Variants in PLBD1 observed in about 807,000 individuals in gnomAD.
PLBD1 encodes the protein lysosomal leucine aminopeptidase.
A neutral mutation model predicts 63.0 loss-of-function variants in PLBD1; 60 were observed. The observed-to-expected ratio is 0.95, with a 90% CI of 0.77 to 1.18. The LOEUF (loss-of-function observed/expected upper bound fraction) is 1.18, where lower values mean the gene tolerates loss of function less well. Among genes scored for constraint, PLBD1 ranks in the 50% most tolerant of loss-of-function variants. The pLI, the probability that PLBD1 is intolerant of heterozygous loss-of-function variation, is 0.00. For missense variants in PLBD1, 598 were observed against 677.9 expected, an observed-to-expected ratio of 0.88 and a Z score of 1.31; for synonymous variants, 262 against 248.0, an observed-to-expected ratio of 1.06 and a Z score of -0.53.
intron 4 of PLBD1, among the ~76,000 whole-genome samples, chr12:14,540,049 T>C (rs186024637): frequency 0.4 from 28,861 of 72,368 alleles, 5,469 homozygotes; most frequent in Non-Finnish European, 0.46. Context: ...TATATATATA[T>C]ATATACACAC....
Position 14,567,857 on chromosome 12 carries a change from C to G in PLBD1, c.-161G>C, listed in dbSNP as rs1945808617. The G allele has an allele frequency of 2.0e-5, 21 of 1,045,860 alleles. No individual in the cohort carries two copies. In the South Asian group the frequency reaches 4.6e-4, roughly 23 times the overall value. The allele number at this position is 1,045,860 out of a possible 1,614,324, so 64.8% of individuals were successfully genotyped here. On this transcript the variant is annotated 5_prime_UTR_variant, in exon 1 of 11. Coordinates refer to ENST00000240617, the MANE Select transcript of PLBD1 (RefSeq NM_024829.6). Reference sequence around the variant, plus strand: ...TCTTGAGCCCGGCCTGCTCCGGGCTCTGAGGGGCGAGGACGCTTCACGTGG... The same window carrying G: ...TCTTGAGCCCGGCCTGCTCCGGGCTGTGAGGGGCGAGGACGCTTCACGTGG...
Position 14,553,415 on chromosome 12 carries a change from A to G in PLBD1, c.116-3T>C, listed in dbSNP as rs1945676077. 6.2e-7 allele frequency: 1 copy of G among 1,610,420 alleles called. No individual in the cohort carries two copies. Among genetic ancestry groups the G allele is most frequent in the African/African-American group, 1.3e-5 (1 of 74,910 alleles). The stretch of plus-strand genomic sequence containing the variant: ...GTATGCAGTTGCATAGTAGACTCCT[A>G]GAAGAAAAGGGAATAATGACAAAAA... On this transcript the variant is annotated splice_region_variant and splice_polypyrimidine_tract_variant and intron_variant, in intron 1 of 10. Coordinates refer to ENST00000240617, the MANE Select transcript of PLBD1 (RefSeq NM_024829.6).
chr12:14,527,602 T>G (rs182524068), intron 6 of PLBD1, among the ~76,000 whole-genome samples: 1 of 152,010 alleles, frequency 6.6e-6, no homozygotes, highest in Non-Finnish European at 1.5e-5. Flanking sequence ...GATTTCAAAT[T>G]GAAAATTAAA....
intron 5 of PLBD1, 41 bp downstream of exon 5, chr12:14,536,529 G>T: frequency 6.2e-7 from 1 of 1,605,610 alleles, no homozygotes; most frequent in East Asian, 2.2e-5. Context: ...GAAAAAGTCT[G>T]TATGAACCAG....
chr12:14,532,664 G>C (rs1164638321), intron 6 of PLBD1, among the ~76,000 whole-genome samples: 1 of 152,218 alleles, frequency 6.6e-6, no homozygotes, highest in East Asian at 1.9e-4. Context: ...CCATGCGTGG[G>C]CAGGAATGGA....
intron 2 of PLBD1, among the ~76,000 whole-genome samples, chr12:14,549,421 C>T (rs569988546): frequency 2.0e-5 from 3 of 152,276 alleles, no homozygotes; most frequent in African/African-American, 7.2e-5. Flanking sequence ...TCCTCTCAGG[C>T]TCTTGGTACC....
chr12:14,534,549 T>C (rs1389291112), intron 6 of PLBD1, among the ~76,000 whole-genome samples: 73 of 149,594 alleles, frequency 4.9e-4, no homozygotes, highest in African/African-American at 1.6e-3. Flanking sequence ...TTTTCTTTTT[T>C]TTTTTTTTTT....
chr12:14,540,110 T>TTA (rs71038605), intron 4 of PLBD1, among the ~76,000 whole-genome samples: 18 of 91,782 alleles, frequency 2.0e-4, no homozygotes, highest in African/African-American at 7.8e-4. Context: ...TAAATATTAT[T>TTA]TATATATATA....
At chr12:14,527,013 G>A (rs766217227) in intron 6 of PLBD1, among the ~76,000 whole-genome samples, 2 of 151,936 alleles carry the variant, frequency 1.3e-5, no homozygotes, top group Non-Finnish European at 2.9e-5. Context: ...ATACACATAC[G>A]CCTTCAGACT....
At chr12:14,523,180 T>C (rs1221336723) in intron 6 of PLBD1, among the ~76,000 whole-genome samples, 1 of 151,946 alleles carries the variant, frequency 6.6e-6, no homozygotes, top group Admixed American at 6.6e-5. Flanking sequence ...AAAATCAATA[T>C]ACAAAAATCT....
chr12:14,543,038 G>A (rs1229697396), intron 2 of PLBD1, among the ~76,000 whole-genome samples: 1 of 149,854 alleles, frequency 6.7e-6, no homozygotes, highest in Non-Finnish European at 1.5e-5. Flanking sequence ...CTCATATGGT[G>A]TACAGTTAAT....
At chr12:14,537,418 A>G (rs973148122) in intron 4 of PLBD1, among the ~76,000 whole-genome samples, 11 of 152,196 alleles carry the variant, frequency 7.2e-5, no homozygotes, top group African/African-American at 2.7e-4. Flanking sequence ...GCAACTTCAC[A>G]GTTGTGGCAA....
intron 10 of PLBD1, among the ~76,000 whole-genome samples, chr12:14,505,106 C>CT (rs57466061): frequency 0.17 from 23,166 of 140,336 alleles, 3,015 homozygotes; most frequent in African/African-American, 0.37. Flanking sequence ...CTACGTCTAC[C>CT]TTTTTTTTTT....
In PLBD1 at chr12:14,503,896, A is replaced by G; in HGVS notation, c.1538T>C (p.Val513Ala). The G allele has an allele frequency of 1.2e-6, 2 of 1,614,012 alleles. No homozygotes were observed. The highest frequency in any genetic ancestry group is 1.1e-5 in the South Asian group (1 of 91,080). Residue 513 changes from valine (V) to alanine (A), a missense_variant, in exon 11 of 11, where the codon GTA becomes GCA. Coordinates refer to ENST00000240617, the MANE Select transcript of PLBD1 (RefSeq NM_024829.6). Reference protein sequence around the residue: ...YTSYAISGPTVQGGLPVFRWD... With the variant: ...YTSYAISGPTAQGGLPVFRWD... ...GCGAAAAACAGGGAGGCCACCTTGT[A>G]CTGTGGGACCACTTATGGCATAGGA...
At chr12:14,535,593 G>GCAA in intron 6 of PLBD1, 66 bp downstream of exon 6, 1 of 1,540,324 alleles carries the variant, frequency 6.5e-7, no homozygotes, top group South Asian at 1.1e-5. Flanking sequence ...AGTTAACACT[G>GCAA]AATCACTAAG....
intron 3 of PLBD1, 34 bp downstream of exon 3, chr12:14,542,173 TA>T: frequency 6.5e-7 from 1 of 1,531,054 alleles, no homozygotes; most frequent in South Asian, 1.1e-5. Flanking sequence ...CTCCAACATT[TA>T]AAACAATGAA....
intron 3 of PLBD1, 142 bp from the exon 4 acceptor site, chr12:14,541,044 C>A: frequency 1.1e-6 from 1 of 917,908 alleles, no homozygotes; most frequent in Non-Finnish European, 1.6e-6. Context: ...TCCAGTCACT[C>A]AAAGGACTTC....
intron 5 of PLBD1, 113 bp downstream of exon 5, chr12:14,536,457 A>G: frequency 8.6e-7 from 1 of 1,164,668 alleles, no homozygotes; most frequent in Non-Finnish European, 1.2e-6. Flanking sequence ...TGAAGAACTC[A>G]TGAGCTGATA....
intron 8 of PLBD1, among the ~76,000 whole-genome samples, chr12:14,509,064 T>C (rs1945276960): frequency 1.3e-5 from 2 of 151,622 alleles, no homozygotes; most frequent in African/African-American, 2.4e-5. Context: ...AACATGTTTC[T>C]TTCTGAGCTT....
Sources: gnomAD v4.1 joint callset for allele counts (sites outside exome capture counted in the v4.1 genomes callset) on GRCh38, gnomAD v4.1.1 for gene constraint, MANE v1.5 for transcripts, NCBI Gene and HGNC (gene_info 2026-07-23, HGNC 2026-07-21) for gene names.